The following KANK1 variants were observed in gnomAD, a reference collection of about 807,000 sequenced individuals.
KANK1 encodes KN motif and ankyrin repeat domains 1, also known as KN motif and ankyrin repeat domain-containing protein 1.
Under a neutral mutation model 106.2 loss-of-function variants are expected in KANK1, and 109 were observed. That is an observed-to-expected ratio of 1.03 (90% CI 0.88 to 1.20). KANK1 has a LOEUF of 1.20. Ranked by LOEUF, KANK1 falls within the 50% of genes most tolerant of loss-of-function variation. The pLI is 0.00. For missense variants in KANK1, 2,399 were observed against 1,710.7 expected, an observed-to-expected ratio of 1.40 and a Z score of -7.10; for synonymous variants, 873 against 652.2, an observed-to-expected ratio of 1.34 and a Z score of -5.16.
intron 1 of KANK1, among the ~76,000 whole-genome samples, chr9:575,746 G>T (rs1820383487): frequency 1.3e-5 from 2 of 152,226 alleles, no homozygotes; most frequent in South Asian, 2.1e-4. Context: ...GCTTGGCCGG[G>T]CACAGTGGCT....
chr9:683,402 C>T (rs73372926), intron 2 of KANK1, among the ~76,000 whole-genome samples: 14,880 of 152,126 alleles, frequency 0.098, 840 homozygotes, highest in African/African-American at 0.14. Context: ...GCCATAAGCA[C>T]GTAGGTAAGA....
At chr9:502,160 G>A (rs2058566439), upstream of KANK1, among the ~76,000 whole-genome samples, 1 of 152,148 alleles carries the variant, frequency 6.6e-6, no homozygotes, top group Non-Finnish European at 1.5e-5. Context: ...GAGACAGAAA[G>A]TAAATTAGTG....
intron 1 of KANK1, among the ~76,000 whole-genome samples, chr9:613,202 C>T (rs1417762375): frequency 6.6e-6 from 1 of 151,766 alleles, no homozygotes; most frequent in Non-Finnish European, 1.5e-5. Flanking sequence ...TGACCAGATA[C>T]ATAGTTCACA....
Position 713,076 on chromosome 9 carries a change from T to C in KANK1, c.2310T>C (p.Tyr770=), listed in dbSNP as rs1271742026. ...GGCAGATAAATATTAACGACAACTA[T>C]CTGGTTGGTCTCAAAATGAGGACTA... ...GVGQININDN[Y]LVGLKMRTIA... Residue 770 remains tyrosine (Y), a synonymous_variant, in exon 3 of 12, where the codon TAT becomes TAC. Coordinates refer to ENST00000382297, the MANE Select transcript of KANK1 (RefSeq NM_015158.5). The C allele has an allele frequency of 2.5e-6, 4 of 1,613,514 alleles. No individual in the cohort carries two copies. In the East Asian group the frequency reaches 8.9e-5, roughly 36 times the overall value.
Position 712,066 on chromosome 9 carries a change from A to C in KANK1, c.1300A>C (p.Arg434=), listed in dbSNP as rs34680571. 0.019 allele frequency: 30,769 copies of C among 1,614,030 alleles called. 2,160 individuals carry two copies. In the African/African-American group the frequency reaches 0.22, roughly 11 times the overall value. Reference sequence around the variant, plus strand: ...AGCTGTAGGGACACTTGTTGAGATGAGAAATTGTGGGGTCAGCGTGACAGA... The same window carrying C: ...AGCTGTAGGGACACTTGTTGAGATGCGAAATTGTGGGGTCAGCGTGACAGA... ...DAAVGTLVEM[R]NCGVSVTEAM... The change falls in exon 3 of 12, where the codon AGA becomes CGA. Residue 434 remains arginine (R), a synonymous_variant. Transcript: ENST00000382297.
At chr9:657,576 T>A (rs1196137557) in intron 1 of KANK1, among the ~76,000 whole-genome samples, 4 of 152,128 alleles carry the variant, frequency 2.6e-5, no homozygotes, top group African/African-American at 4.8e-5. Flanking sequence ...TGTTTTTTTT[T>A]AATAGTGGCC....
At chr9:710,640 C>CA (rs1380921183) in intron 2 of KANK1, among the ~76,000 whole-genome samples, 164 bp from the exon 3 acceptor site, 1 of 76,686 alleles carries the variant, frequency 1.3e-5, no homozygotes, top group East Asian at 3.0e-4. Context: ...CAAAAAAAAA[C>CA]AAAAAAAACT....
chr9:532,660 C>G (rs1028217096), intron 1 of KANK1, among the ~76,000 whole-genome samples: 7 of 152,146 alleles, frequency 4.6e-5, no homozygotes, highest in African/African-American at 1.7e-4. Flanking sequence ...CACCAAGCTA[C>G]TTGGCGTGAG....
upstream of KANK1, among the ~76,000 whole-genome samples, chr9:501,609 GACAT>G (rs1554722119): frequency 8.0e-6 from 1 of 125,266 alleles, no homozygotes; most frequent in Admixed American, 7.7e-5. Flanking sequence ...CCCACGCACA[GACAT>G]ACACACACAC....
intron 1 of KANK1, among the ~76,000 whole-genome samples, chr9:581,794 A>G (rs992511710): frequency 3.3e-5 from 5 of 152,028 alleles, no homozygotes; most frequent in East Asian, 1.9e-4. Context: ...ACCAGTCCCT[A>G]CTGCTTCTGG....
chr9:704,992 CAAAAAAA>C (rs71314728), intron 2 of KANK1, among the ~76,000 whole-genome samples: 1 of 53,078 alleles, frequency 1.9e-5, no homozygotes, highest in Non-Finnish European at 3.2e-5. Flanking sequence ...GACCCTGTCT[CAAAAAAA>C]AAAAAAAAAA....
chr9:616,301 G>A (rs1224753445), intron 1 of KANK1, among the ~76,000 whole-genome samples: 1 of 152,132 alleles, frequency 6.6e-6, no homozygotes, highest in African/African-American at 2.4e-5. Context: ...GCATTTAGGT[G>A]ATACTGTATC....
At chr9:618,783 C>T (rs1398811553) in intron 1 of KANK1, among the ~76,000 whole-genome samples, 1 of 152,092 alleles carries the variant, frequency 6.6e-6, no homozygotes, top group African/African-American at 2.4e-5. Context: ...TAAGAAAGCT[C>T]CTGCACACTG....
intron 1 of KANK1, among the ~76,000 whole-genome samples, chr9:672,827 A>G (rs1815500356): frequency 6.6e-6 from 1 of 152,216 alleles, no homozygotes; most frequent in Admixed American, 6.5e-5. Flanking sequence ...CCCGAAATAA[A>G]TAGACACAAA....
At chr9:693,298 A>C (rs1441732239) in intron 2 of KANK1, 1 of 750,480 alleles carries the variant, frequency 1.3e-6, no homozygotes, top group Non-Finnish European at 1.6e-6. Flanking sequence ...TTCACAAGCC[A>C]GCTGCTGTGC....
At chr9:740,622 G>T (rs762546140) in intron 8 of KANK1, among the ~76,000 whole-genome samples, 170 bp from the exon 9 acceptor site, 1 of 152,140 alleles carries the variant, frequency 6.6e-6, no homozygotes, top group African/African-American at 2.4e-5. Context: ...AAAGTTTTTG[G>T]TTTAGTATGA....
rs117683448 is a variant in KANK1, at chr9:570,800, C to G, written c.-84+66046C>G. On this transcript the variant is annotated intron_variant, in intron 1 of 11. Coordinates refer to ENST00000382297, the MANE Select transcript of KANK1 (RefSeq NM_015158.5). ...GTGAATTTAGTAAAGTCATTTAAGA[C>G]CCGTTGGCTTAGTTTTTCATGAGAC... 8.5e-3 allele frequency among the ~76,000 whole-genome samples: 1,294 copies of G among 152,194 alleles called. 10 individuals are homozygous for G. The highest frequency in any genetic ancestry group is 0.027 in the Middle Eastern group (8 of 294).
At chr9:674,454 G>A (rs1403981517) in intron 1 of KANK1, 1 of 151,550 alleles carries the variant, frequency 6.6e-6, no homozygotes. Context: ...TTTCACAGTA[G>A]TTAGCTTTGA....
At chr9:661,160 A>G (rs994879578) in intron 1 of KANK1, among the ~76,000 whole-genome samples, 1 of 152,120 alleles carries the variant, frequency 6.6e-6, no homozygotes, top group Non-Finnish European at 1.5e-5. Flanking sequence ...GTTCTAGGGT[A>G]CATGTGCACA....
Sources: gnomAD v4.1 joint callset for allele counts (sites outside exome capture counted in the v4.1 genomes callset) on GRCh38, gnomAD v4.1.1 for gene constraint, MANE v1.5 for transcripts, NCBI Gene and HGNC (gene_info 2026-07-23, HGNC 2026-07-21) for gene names.